The following PTPRA variants were observed in gnomAD, a reference collection of about 807,000 sequenced individuals.
PTPRA encodes protein tyrosine phosphatase receptor type A.
PTPRA carries 25 observed loss-of-function variants against 104.8 expected under a neutral mutation model. That is an observed-to-expected ratio of 0.24 (90% CI 0.17 to 0.33). The LOEUF is 0.33. Ranked by LOEUF, PTPRA falls within the 10% of genes least tolerant of loss-of-function variation. The pLI is 1.00. For missense variants in PTPRA, 765 were observed against 1,015.3 expected, an observed-to-expected ratio of 0.75 and a Z score of 3.35; for synonymous variants, 323 against 368.9, an observed-to-expected ratio of 0.88 and a Z score of 1.43.
At chr20:3,021,050 TG>T (rs1309710987) in intron 13 of PTPRA, among the ~76,000 whole-genome samples, 3 of 152,054 alleles carry the variant, frequency 2.0e-5, no homozygotes, top group Non-Finnish European at 4.4e-5. Flanking sequence ...CAAGGGAGTG[TG>T]GGTGGGAAAC....
chr20:2,952,850 T>C (rs1370788649), intron 3 of PTPRA, among the ~76,000 whole-genome samples: 1 of 152,230 alleles, frequency 6.6e-6, no homozygotes, highest in Non-Finnish European at 1.5e-5. Flanking sequence ...ATTAGTATAA[T>C]GTCTTCAAGT....
upstream of PTPRA, among the ~76,000 whole-genome samples, chr20:2,871,910 A>G (rs534901480): frequency 3.9e-5 from 6 of 152,266 alleles, no homozygotes; most frequent in South Asian, 1.2e-3. Context: ...GCTGAGAGGG[A>G]GAGAGAGTCA....
intron 4 of PTPRA, 106 bp from the exon 5 acceptor site, chr20:2,964,755 G>C: frequency 2.0e-6 from 2 of 997,242 alleles, no homozygotes; most frequent in Non-Finnish European, 2.9e-6. Context: ...GTCTTTGCTT[G>C]GTCTCCATAT....
intron 20 of PTPRA, 108 bp downstream of exon 20, chr20:3,027,949 C>T: frequency 6.9e-7 from 1 of 1,444,294 alleles, no homozygotes; most frequent in Admixed American, 2.0e-5. Context: ...TTGTCTTTGA[C>T]TTATACGGTC....
rs770908431 is a variant in PTPRA, at chr20:3,035,689, C to T, written c.2025C>T (p.Asp675=). 3.2e-5 allele frequency: 52 copies of T among 1,614,088 alleles called. No individual in the cohort carries two copies. Among genetic ancestry groups the T allele is most frequent in the South Asian group, 1.6e-4 (15 of 91,088 alleles). ...EEECESYTVR[D]LLVTNTRENK... ...AATGTGAGAGCTACACCGTCCGAGACCTCCTGGTCACCAACACCAGGGTAA... is the reference window on the plus strand; with the variant it reads ...AATGTGAGAGCTACACCGTCCGAGATCTCCTGGTCACCAACACCAGGGTAA... The change falls in exon 21 of 24, where the codon GAC becomes GAT. Residue 675 remains aspartate (D), a synonymous_variant. Coordinates refer to ENST00000399903, the MANE Select transcript of PTPRA (RefSeq NM_001385305.1). This position sits in a 1 kb window ranked among gnomAD's most constrained non-coding sequence, Gnocchi z 5.8.
rs1276147848 is a variant in PTPRA, at chr20:3,038,458, C to T, written c.*325C>T. 1.2e-5 allele frequency: 3 copies of T among 259,792 alleles called. No homozygotes were observed. The highest frequency in any genetic ancestry group is 2.2e-5 in the Non-Finnish European group (3 of 134,300). The allele number at this position is 259,792 out of a possible 1,614,324, so 16.1% of individuals were successfully genotyped here. A position where few individuals can be genotyped will look rare whatever the true frequency, so the allele number is the denominator to read the frequency against. Reference sequence around the variant, plus strand: ...AACACAAAATCCATTCCAGGTAGCTCGGCACCAACTAAGAAAAAAAGCACA... The same window carrying T: ...AACACAAAATCCATTCCAGGTAGCTTGGCACCAACTAAGAAAAAAAGCACA... On this transcript the variant is annotated 3_prime_UTR_variant, in exon 24 of 24. Coordinates refer to ENST00000399903, the MANE Select transcript of PTPRA (RefSeq NM_001385305.1).
chr20:2,929,247 T>C (rs2060420987), intron 2 of PTPRA, among the ~76,000 whole-genome samples: 1 of 152,134 alleles, frequency 6.6e-6, no homozygotes, highest in Non-Finnish European at 1.5e-5. Flanking sequence ...CCACCACACC[T>C]GGCCTGCTGT....
chr20:3,016,730 A>C (rs772669297), intron 12 of PTPRA, among the ~76,000 whole-genome samples: 24 of 152,252 alleles, frequency 1.6e-4, no homozygotes, highest in Non-Finnish European at 7.3e-5. Flanking sequence ...ACAGAGTGAG[A>C]CTTTGTCTCA....
intron 3 of PTPRA, among the ~76,000 whole-genome samples, chr20:2,948,568 G>A (rs746652235): frequency 3.9e-5 from 6 of 152,130 alleles, no homozygotes; most frequent in Non-Finnish European, 7.4e-5. Context: ...TGGAAAAATG[G>A]ATCTTATCTC....
chr20:3,007,446 A>G (rs539378532), intron 11 of PTPRA, 26 bp downstream of exon 11: 1 of 1,597,800 alleles, frequency 6.3e-7, no homozygotes, highest in Non-Finnish European at 8.6e-7. Flanking sequence ...TTTCCCTGTC[A>G]CTTCCCTGCC....
At chr20:2,964,010 A>C (rs1175246971) in intron 3 of PTPRA, among the ~76,000 whole-genome samples, 2 of 152,164 alleles carry the variant, frequency 1.3e-5, no homozygotes, top group Admixed American at 6.5e-5. Context: ...CACTGTCTCC[A>C]TCCTGGGCAA....
chr20:2,986,697 C>T, intron 6 of PTPRA, 68 bp from the exon 7 acceptor site: 2 of 1,378,340 alleles, frequency 1.5e-6, no homozygotes, highest in East Asian at 2.3e-5. Context: ...GGGTGTTGCC[C>T]TGAATGGCTG....
chr20:2,956,616 G>A (rs1049404580), intron 3 of PTPRA, among the ~76,000 whole-genome samples: 2 of 151,690 alleles, frequency 1.3e-5, no homozygotes, highest in African/African-American at 4.8e-5. Context: ...TTGTCCCACT[G>A]CACTCCAACC....
At chr20:2,928,385 G>T (rs2147464133) in intron 2 of PTPRA, among the ~76,000 whole-genome samples, 1 of 152,268 alleles carries the variant, frequency 6.6e-6, no homozygotes, top group East Asian at 1.9e-4. Context: ...TGGGATTACA[G>T]GCGTGAGCCA....
chr20:3,004,739 G>GA (rs1476741578), intron 9 of PTPRA, among the ~76,000 whole-genome samples: 9 of 152,208 alleles, frequency 5.9e-5, no homozygotes, highest in Admixed American at 5.2e-4. Context: ...ATTTACAAGG[G>GA]TAGGCCCTTT....
rs139387487 is a variant in PTPRA at position 3,026,726 on chromosome 20, A to G, written c.1654A>G (p.Thr552Ala). 1 of 1,613,382 alleles carries G rather than the reference A, an allele frequency of 6.2e-7. No individual in the cohort carries two copies. The highest frequency in any genetic ancestry group is 1.3e-5 in the African/African-American group (1 of 74,862). The change falls in exon 18 of 24, where the codon ACT becomes GCT. Residue 552 changes from threonine to alanine, a missense_variant. By Grantham distance (58) the Thr-to-Ala change is moderately conservative (BLOSUM62 0). Coordinates refer to ENST00000399903, the MANE Select transcript of PTPRA (RefSeq NM_001385305.1). Reference sequence around the variant, plus strand: ...CAAAATCCAGAATGACAAGATGCGGACTGGAAACCTTCCAGCCAACATGAA... The same window carrying G: ...CAAAATCCAGAATGACAAGATGCGGGCTGGAAACCTTCCAGCCAACATGAA... ...SIKIQNDKMR[T>A]GNLPANMKKN...
chr20:2,980,680 C>T (rs867649711), intron 6 of PTPRA, among the ~76,000 whole-genome samples: 10 of 152,218 alleles, frequency 6.6e-5, no homozygotes, highest in Middle Eastern at 6.8e-3. Flanking sequence ...AGACCCCCTC[C>T]CCCCATCTCT....
chr20:2,909,974 A>ATGTGTAATT (rs1203441257), intron 1 of PTPRA, among the ~76,000 whole-genome samples: 2 of 111,868 alleles, frequency 1.8e-5, no homozygotes, highest in Admixed American at 1.1e-4. Context: ...ATATATATAT[A>ATGTGTAATT]ATCTATCATA....
At chr20:2,879,007 G>A (rs991202643) in intron 1 of PTPRA, among the ~76,000 whole-genome samples, 2 of 152,200 alleles carry the variant, frequency 1.3e-5, no homozygotes, top group South Asian at 4.1e-4. Flanking sequence ...TGTTCAGTTG[G>A]AAATACCAGG....
Sources: allele counts gnomAD v4.1 joint callset (sites outside exome capture counted in the v4.1 genomes callset), GRCh38; gene constraint gnomAD v4.1.1; non-coding constraint Gnocchi (gnomAD v3.1); transcripts MANE v1.5; gene names NCBI Gene and HGNC (gene_info 2026-07-23, HGNC 2026-07-21).